RNLS: variants seen among roughly 807,000 people sequenced by gnomAD.
RNLS encodes renalase, FAD dependent amine oxidase.
RNLS carries 39 observed loss-of-function variants against 39.8 expected under a neutral mutation model. The observed-to-expected ratio is 0.98, with a 90% CI of 0.76 to 1.28. The LOEUF (loss-of-function observed/expected upper bound fraction) is 1.28. RNLS is among the 50% of genes most tolerant of loss of function. The probability of loss-of-function intolerance (pLI) is 0.00; values close to 1 mark genes in which losing one functional copy is unlikely to be tolerated. For synonymous variants in RNLS, 147 were observed against 150.7 expected, an observed-to-expected ratio of 0.98 and a Z score of 0.18; for missense variants, 410 against 413.3, an observed-to-expected ratio of 0.99 and a Z score of 0.07.
At chr10:88,449,091 A>G (rs1488728661) in intron 4 of RNLS, among the ~76,000 whole-genome samples, 4 of 152,256 alleles carry the variant, frequency 2.6e-5, no homozygotes, top group African/African-American at 9.6e-5. Flanking sequence ...TGGCACATGT[A>G]TACATATGTA....
the RNLS span, among the ~76,000 whole-genome samples, chr10:88,192,832 A>G: frequency 1.3e-5 from 2 of 152,226 alleles, no homozygotes; most frequent in Non-Finnish European, 2.9e-5. Flanking sequence ...TTGTATTTAC[A>G]CTTTTACTTG....
chr10:88,581,020 A>C (rs1401369494), intron 3 of RNLS, among the ~76,000 whole-genome samples: 1 of 152,112 alleles, frequency 6.6e-6, no homozygotes, highest in African/African-American at 2.4e-5. Context: ...ATAGACATGC[A>C]TCAATGTTTG....
the RNLS span, among the ~76,000 whole-genome samples, chr10:88,176,763 T>C: frequency 6.6e-6 from 1 of 152,216 alleles, no homozygotes; most frequent in Non-Finnish European, 1.5e-5. Flanking sequence ...TCCAGAAGTA[T>C]AATTTTTGTA....
intron 3 of RNLS, among the ~76,000 whole-genome samples, chr10:88,576,319 T>C (rs1312880843): frequency 2.0e-5 from 3 of 152,242 alleles, no homozygotes; most frequent in Non-Finnish European, 4.4e-5. Context: ...TAGAATAAAA[T>C]GATCTTCAGA....
Position 88,419,155 on chromosome 10 carries a change from T to C in RNLS, c.527-56430A>G, listed in dbSNP as rs114649308. On this transcript the variant is annotated intron_variant, in intron 4 of 6. Coordinates refer to ENST00000331772, the MANE Select transcript of RNLS (RefSeq NM_001031709.3). ...ATTGCAGGGTTCATATGGTGCAAAG[T>C]GGGGCATTAGCAGCCCCCTCCCACC... Among the ~76,000 whole-genome samples the C allele has an allele frequency of 5.3e-3, 812 of 152,296 alleles. 5 individuals carry two copies. Among genetic ancestry groups the C allele is most frequent in the African/African-American group, 0.018 (767 of 41,570 alleles).
chr10:88,302,087 A>G (rs1340000551), intron 6 of RNLS, among the ~76,000 whole-genome samples: 1 of 152,228 alleles, frequency 6.6e-6, no homozygotes. Context: ...CCTTAACCAC[A>G]AGTCTAAGAG....
intron 6 of RNLS, among the ~76,000 whole-genome samples, chr10:88,310,739 T>C (rs1845296908): frequency 7.4e-6 from 1 of 136,020 alleles, no homozygotes; most frequent in Admixed American, 8.4e-5. Context: ...CAGGCTGCTG[T>C]AGTCAGCTCT....
intron 4 of RNLS, among the ~76,000 whole-genome samples, chr10:88,516,884 A>T (rs1040076624): frequency 3.3e-5 from 5 of 151,990 alleles, no homozygotes; most frequent in African/African-American, 1.2e-4. Flanking sequence ...CTTCAGATAT[A>T]CCGACTTTGA....
intron 4 of RNLS, among the ~76,000 whole-genome samples, chr10:88,435,458 T>TA (rs1284307065): frequency 1.4e-5 from 2 of 142,616 alleles, no homozygotes; most frequent in Admixed American, 6.9e-5. Flanking sequence ...ATTAAAAAAA[T>TA]AAAAAAAGAC....
chr10:88,466,300 G>A (rs534950508), intron 4 of RNLS, among the ~76,000 whole-genome samples: 4 of 152,114 alleles, frequency 2.6e-5, no homozygotes, highest in Non-Finnish European at 5.9e-5. Context: ...CATGAGGGCC[G>A]GGGATAGTAT....
chr10:88,435,435 G>A (rs1444376994), intron 4 of RNLS, among the ~76,000 whole-genome samples: 1 of 146,426 alleles, frequency 6.8e-6, no homozygotes, highest in Admixed American at 6.8e-5. Context: ...ATATTTGGGG[G>A]TAAACCAAAA....
At chr10:88,503,435 CA>C (rs1845614329) in intron 4 of RNLS, among the ~76,000 whole-genome samples, 1 of 152,064 alleles carries the variant, frequency 6.6e-6, no homozygotes. Flanking sequence ...AAGCTTTAAA[CA>C]AAAGCTAAGA....
chr10:88,194,965 TGTTCATG>T, the RNLS span, among the ~76,000 whole-genome samples: 1 of 152,358 alleles, frequency 6.6e-6, no homozygotes, highest in East Asian at 1.9e-4. Flanking sequence ...ACAATCCATA[TGTTCATG>T]GAAAACAAAA....
chr10:88,302,389 TC>T (rs1436078337), intron 6 of RNLS, among the ~76,000 whole-genome samples: 2 of 152,208 alleles, frequency 1.3e-5, no homozygotes, highest in African/African-American at 4.8e-5. Context: ...AAAGTACTTA[TC>T]TTAGAAGGCT....
At chr10:88,289,914 G>T (rs1054749240) in intron 6 of RNLS, among the ~76,000 whole-genome samples, 1 of 152,112 alleles carries the variant, frequency 6.6e-6, no homozygotes, top group African/African-American at 2.4e-5. Context: ...ACTGTCTCCT[G>T]TCATGTATTA....
intron 4 of RNLS, among the ~76,000 whole-genome samples, chr10:88,460,564 C>T (rs1469561021): frequency 6.6e-6 from 1 of 152,114 alleles, no homozygotes; most frequent in East Asian, 1.9e-4. Context: ...TACTATCCCT[C>T]CTCCCCATCA....
At chr10:88,519,468 A>G (rs551745086) in intron 4 of RNLS, among the ~76,000 whole-genome samples, 1 of 151,034 alleles carries the variant, frequency 6.6e-6, no homozygotes, top group South Asian at 2.1e-4. Context: ...AAAATGTCAA[A>G]TATGTTGTTC....
chr10:88,509,819 C>T (rs1846005331), intron 4 of RNLS, among the ~76,000 whole-genome samples: 1 of 151,944 alleles, frequency 6.6e-6, no homozygotes, highest in Admixed American at 6.6e-5. Context: ...TATTAAATAC[C>T]AAAATAAGAT....
intron 4 of RNLS, among the ~76,000 whole-genome samples, chr10:88,452,782 C>T (rs1005068870): frequency 1.3e-5 from 2 of 152,180 alleles, no homozygotes; most frequent in Admixed American, 6.5e-5. Flanking sequence ...CAACATGGAT[C>T]ATCAGGCACA....
Sources: gnomAD v4.1 joint callset for allele counts (sites outside exome capture counted in the v4.1 genomes callset) on GRCh38, gnomAD v4.1.1 for gene constraint, MANE v1.5 for transcripts, NCBI Gene and HGNC (gene_info 2026-07-23, HGNC 2026-07-21) for gene names.